The following IL1RAPL2 variants were observed in gnomAD, a reference collection of about 807,000 sequenced individuals.
IL1RAPL2 encodes X-linked interleukin-1 receptor accessory protein-like 2.
In IL1RAPL2, 3 loss-of-function variants were observed where a neutral mutation model predicts 44.1. The ratio of observed to expected loss-of-function variants is 0.07; its 90% CI spans 0.03 to 0.18. The LOEUF (loss-of-function observed/expected upper bound fraction) is 0.18, where lower values mean the gene tolerates loss of function less well. Ranked by LOEUF, IL1RAPL2 falls within the 10% of genes least tolerant of loss-of-function variation. The pLI, the probability that IL1RAPL2 is intolerant of heterozygous loss-of-function variation, is 1.00. For missense variants in IL1RAPL2, 391 were observed against 496.4 expected (o/e 0.79, Z 2.02); for synonymous variants, 181 against 178.8 (o/e 1.01, Z -0.10).
intron 2 of IL1RAPL2, among the ~76,000 whole-genome samples, chrX:104,820,013 C>A (rs1921257885): frequency 9.0e-6 from 1 of 110,913 alleles, no homozygotes; most frequent in Non-Finnish European, 1.9e-5. Context: ...CTTTATGCAA[C>A]CAATAGAAAT....
At chrX:104,660,530 G>A (rs1479469240) in intron 2 of IL1RAPL2, among the ~76,000 whole-genome samples, 1 of 102,590 alleles carries the variant, frequency 9.7e-6, no homozygotes, top group African/African-American at 3.5e-5. Context: ...GAGAAGAGAG[G>A]CTGTTAAAAT....
At chrX:105,723,728 A>G (rs1976034295) in intron 7 of IL1RAPL2, among the ~76,000 whole-genome samples, 1 of 111,312 alleles carries the variant, frequency 9.0e-6, no homozygotes, top group Non-Finnish European at 1.9e-5. Context: ...TCGTGGATGG[A>G]ACCTTCTGTG....
chrX:105,144,016 TAA>T (rs761101214), intron 2 of IL1RAPL2, among the ~76,000 whole-genome samples: 4 of 98,596 alleles, frequency 4.1e-5, no homozygotes, highest in Non-Finnish European at 8.3e-5. Context: ...ATAAACAAAA[TAA>T]AAAAAAAATA....
intron 5 of IL1RAPL2, among the ~76,000 whole-genome samples, chrX:105,458,212 ATATCTGGATATTACCAT>A (rs2036069589): frequency 9.0e-6 from 1 of 111,503 alleles, no homozygotes; most frequent in Non-Finnish European, 1.9e-5. Context: ...ATTTTTAAAT[ATATCTGGATATTACCAT>A]TACCAGGTTT....
chrX:105,346,944 T>G (rs756061043), intron 5 of IL1RAPL2, among the ~76,000 whole-genome samples: 3 of 112,012 alleles, frequency 2.7e-5, no homozygotes, highest in African/African-American at 9.7e-5. Flanking sequence ...ACACATAGAT[T>G]GTCCTTGGTG....
intron 2 of IL1RAPL2, among the ~76,000 whole-genome samples, chrX:105,183,703 T>G (rs909591239): frequency 9.0e-6 from 1 of 111,628 alleles, no homozygotes; most frequent in Non-Finnish European, 1.9e-5. Context: ...CTGCTCTGTT[T>G]CCTGGAGTAT....
intron 2 of IL1RAPL2, among the ~76,000 whole-genome samples, chrX:104,763,664 C>T (rs1932504461): frequency 9.0e-6 from 1 of 111,678 alleles, no homozygotes; most frequent in African/African-American, 3.3e-5. Context: ...CTCTTCTTCA[C>T]ATGGCAGCAG....
chrX:104,696,768 G>T (rs892215868), intron 2 of IL1RAPL2, among the ~76,000 whole-genome samples: 2 of 111,830 alleles, frequency 1.8e-5, no homozygotes, highest in Non-Finnish European at 3.8e-5. Context: ...TCCTGACTAA[G>T]TGAGGTATGT....
chrX:104,891,293 G>A (rs140247074), intron 2 of IL1RAPL2, among the ~76,000 whole-genome samples: 1,650 of 111,635 alleles, frequency 0.015, 36 homozygotes, highest in African/African-American at 0.051. Flanking sequence ...TTCTTTTTTG[G>A]TTCCATATGA....
At chrX:104,990,561 C>A (rs1372263429) in intron 2 of IL1RAPL2, among the ~76,000 whole-genome samples, 1 of 111,327 alleles carries the variant, frequency 9.0e-6, no homozygotes, top group East Asian at 2.8e-4. Flanking sequence ...ATCTCCACAG[C>A]AAATCATGAG....
At chrX:105,000,970 T>A (rs1054561717) in intron 2 of IL1RAPL2, among the ~76,000 whole-genome samples, 1 of 111,822 alleles carries the variant, frequency 8.9e-6, no homozygotes, top group Non-Finnish European at 1.9e-5. Flanking sequence ...ATCTGGTTCC[T>A]AATCAGAGGA....
intron 3 of IL1RAPL2, among the ~76,000 whole-genome samples, chrX:105,198,020 G>C (rs1056057523): frequency 1.8e-5 from 2 of 111,279 alleles, no homozygotes; most frequent in African/African-American, 6.5e-5. Context: ...GCAATATTTG[G>C]TTTTCTGTTC....
In IL1RAPL2 at chrX:105,279,249, G is replaced by A. The variant is rs182436837; in HGVS notation, c.697+11708G>A. ...TTTGATCAGCTCAGAATCCTGTAAG[G>A]TATGTCATTTTAGCCCTGCTTTATA... On this transcript the variant is annotated intron_variant, in intron 5 of 10. Transcript: ENST00000372582. Among the ~76,000 whole-genome samples the A allele has an allele frequency of 1.2e-4, 13 of 111,142 alleles. No homozygotes were observed. The East Asian group carries it at 3.7e-3, about 32-fold the overall frequency.
At chrX:104,895,129 C>T (rs1161220685) in intron 2 of IL1RAPL2, among the ~76,000 whole-genome samples, 1 of 107,037 alleles carries the variant, frequency 9.3e-6, no homozygotes, top group Non-Finnish European at 1.9e-5. Flanking sequence ...ATGTTGCTGC[C>T]TGATCGTTCC....
Position 105,304,232 on chromosome X carries a change from T to A in IL1RAPL2, c.697+36691T>A, listed in dbSNP as rs2034717453. Among the ~76,000 whole-genome samples the A allele has an allele frequency of 2.8e-5, 3 of 108,043 alleles. No homozygotes were observed. In the South Asian group the frequency reaches 1.2e-3, roughly 42 times the overall value. The allele number at this position is 108,043 out of a possible 115,157, so 93.8% of individuals were successfully genotyped here. On this transcript the variant is annotated intron_variant, in intron 5 of 10. Transcript: ENST00000372582. ...GATTGCAGCAGAGAAAGAGCTTTAA[T>A]TGTAGGGTCACTGAATGAGGAGATG...
Position 104,645,427 on chromosome X carries a change from A to G in IL1RAPL2, c.-19-13468A>G, listed in dbSNP as rs377765168. Among the ~76,000 whole-genome samples the G allele has an allele frequency of 2.7e-5, 3 of 111,616 alleles. No individual in the cohort carries two copies. The East Asian group carries it at 8.5e-4, about 32-fold the overall frequency. On this transcript the variant is annotated intron_variant, in intron 1 of 10. Transcript: ENST00000372582. ...TAATAACACTCTGTGATTCTGCCATATTGAACTCATTCTACTTCAATGAAC... is the reference window on the plus strand; with the variant it reads ...TAATAACACTCTGTGATTCTGCCATGTTGAACTCATTCTACTTCAATGAAC...
intron 2 of IL1RAPL2, among the ~76,000 whole-genome samples, chrX:104,942,548 T>C (rs867935090): frequency 4.3e-4 from 48 of 111,844 alleles, no homozygotes; most frequent in African/African-American, 1.4e-3. Context: ...ATTGATTTTT[T>C]ATCCTGAGAC....
chrX:105,704,750 T>C (rs1265533149), intron 6 of IL1RAPL2, among the ~76,000 whole-genome samples: 1 of 110,839 alleles, frequency 9.0e-6, no homozygotes, highest in African/African-American at 3.3e-5. Flanking sequence ...CAGCATGCAT[T>C]AGCTATTTTT....
intron 5 of IL1RAPL2, among the ~76,000 whole-genome samples, chrX:105,447,414 AATATATAAAT>A: frequency 1.4e-5 from 1 of 71,634 alleles, no homozygotes; most frequent in African/African-American, 6.0e-5. Context: ...TATAAATATA[AATATATAAAT>A]ATATATAAAT....
Sources: allele counts gnomAD v4.1 joint callset (sites outside exome capture counted in the v4.1 genomes callset), GRCh38; gene constraint gnomAD v4.1.1; transcripts MANE v1.5; gene names NCBI Gene and HGNC (gene_info 2026-07-23, HGNC 2026-07-21).